The following CERT1 variants were observed in gnomAD, a reference collection of about 807,000 sequenced individuals.
CERT1 encodes ceramide transporter 1, also known as ceramide transfer protein.
Under a neutral mutation model 87.9 loss-of-function variants are expected in CERT1, and 31 were observed. The observed-to-expected ratio is 0.35, with a 90% confidence interval of 0.27 to 0.48. CERT1 has a LOEUF of 0.48. Ranked by LOEUF, CERT1 falls within the 20% of genes least tolerant of loss-of-function variation. The probability of loss-of-function intolerance (pLI) is 0.99; values close to 1 mark genes in which losing one functional copy is unlikely to be tolerated. For missense variants in CERT1, 487 were observed against 758.0 expected (o/e 0.64, Z 4.20); for synonymous variants, 289 against 250.9 (o/e 1.15, Z -1.44).
intron 15 of CERT1, 66 bp from the exon 16 acceptor site, chr5:75,381,267 T>TTA (rs1274008211): frequency 1.3e-6 from 2 of 1,564,730 alleles, no homozygotes; most frequent in Non-Finnish European, 1.7e-6. Context: ...TGGTCTAATA[T>TTA]TATATTAGGT....
At chr5:75,457,676 C>T (rs1270263696) in intron 3 of CERT1, among the ~76,000 whole-genome samples, 1 of 151,678 alleles carries the variant, frequency 6.6e-6, no homozygotes, top group Non-Finnish European at 1.5e-5. Context: ...AATCAATAAA[C>T]CAAGAAAGAA....
intron 8 of CERT1, among the ~76,000 whole-genome samples, chr5:75,404,881 G>A (rs1452335893): frequency 6.6e-5 from 10 of 152,032 alleles, no homozygotes; most frequent in Non-Finnish European, 1.0e-4. Flanking sequence ...GGTGGAGCAC[G>A]TCTATAAACC....
At chr5:75,446,768 A>G (rs1764556439) in intron 3 of CERT1, among the ~76,000 whole-genome samples, 1 of 152,174 alleles carries the variant, frequency 6.6e-6, no homozygotes, top group Non-Finnish European at 1.5e-5. Flanking sequence ...CCTTTCCCTG[A>G]GCATGCACAA....
At chr5:75,491,263 G>A (rs1766782285) in intron 2 of CERT1, among the ~76,000 whole-genome samples, 1 of 152,060 alleles carries the variant, frequency 6.6e-6, no homozygotes, top group Non-Finnish European at 1.5e-5. Flanking sequence ...AGAGAAGAGG[G>A]TTGTAGGCCT....
At chr5:75,445,808 C>T (rs1764510888) in intron 3 of CERT1, among the ~76,000 whole-genome samples, 1 of 152,152 alleles carries the variant, frequency 6.6e-6, no homozygotes, top group Admixed American at 6.5e-5. Context: ...CAAATATAGG[C>T]ATCTTGGTTG....
At position 75,503,658 on chromosome 5, in the gene CERT1, T is replaced by C. The variant is rs144615325; in HGVS notation, c.231+2324A>G. The stretch of plus-strand genomic sequence containing the variant: ...CAGATTTTGTTGCCTAATTCATCTT[T>C]TTACTTCTACTTTTATCTCTCCTTC... On this transcript the variant is annotated intron_variant, in intron 2 of 16. Transcript: ENST00000643780. Among the ~76,000 whole-genome samples, 102 of 152,018 alleles carry C rather than the reference T, an allele frequency of 6.7e-4. 1 individual carries two copies. Among genetic ancestry groups the C allele is most frequent in the African/African-American group, 2.4e-3 (99 of 41,548 alleles).
intron 3 of CERT1, among the ~76,000 whole-genome samples, chr5:75,445,396 T>C (rs983839508): frequency 6.6e-6 from 1 of 152,244 alleles, no homozygotes; most frequent in Non-Finnish European, 1.5e-5. Context: ...GCAGGTCTAG[T>C]GGCAAATAGC....
At chr5:75,418,949 T>C (rs1317706405) in intron 6 of CERT1, among the ~76,000 whole-genome samples, 1 of 152,226 alleles carries the variant, frequency 6.6e-6, no homozygotes. Flanking sequence ...CTTTAAATGG[T>C]ATGTCAATTG....
At chr5:75,403,506 A>G (rs933488441) in intron 8 of CERT1, among the ~76,000 whole-genome samples, 1 of 152,270 alleles carries the variant, frequency 6.6e-6, no homozygotes, top group African/African-American at 2.4e-5. Flanking sequence ...TCATTCAGCT[A>G]TATATTATCT....
At chr5:75,417,274 T>C (rs1039314217) in intron 6 of CERT1, among the ~76,000 whole-genome samples, 9 of 152,186 alleles carry the variant, frequency 5.9e-5, no homozygotes, top group Non-Finnish European at 1.3e-4. Flanking sequence ...ATTTATTTGC[T>C]GTGCTGCACC....
chr5:75,492,588 G>T (rs1334169610), intron 2 of CERT1, among the ~76,000 whole-genome samples: 1 of 152,128 alleles, frequency 6.6e-6, no homozygotes, highest in Non-Finnish European at 1.5e-5. Context: ...TTGGTATAAG[G>T]CATGTTCATA....
chr5:75,385,998 G>C lies in CERT1; in HGVS notation c.1321C>G (p.Leu441Val). ...RREVEENGIV[L>V]DPLKATHAVK... ...GCATGGGTAGCTTTTAAAGGATCCA[G>C]AACAATCCCATTTTCTTCTACTTCT... The change falls in exon 13 of 17, where the codon CTG becomes GTG. Residue 441 changes from leucine (L) to valine (V), a missense_variant. By Grantham distance (32) the Leu-to-Val change is conservative. Coordinates refer to ENST00000643780, the MANE Select transcript of CERT1 (RefSeq NM_001379029.1). 6.3e-7 allele frequency: 1 copy of C among 1,586,470 alleles called. No homozygotes were observed. The highest frequency in any genetic ancestry group is 8.6e-7 in the Non-Finnish European group (1 of 1,166,486).
chr5:75,482,760 C>T (rs569295935), intron 2 of CERT1, among the ~76,000 whole-genome samples: 3 of 152,258 alleles, frequency 2.0e-5, no homozygotes, highest in African/African-American at 7.2e-5. Context: ...TTGGATTATA[C>T]CCAAGATCAG....
rs377185572 is a variant in CERT1 at position 75,425,540 on chromosome 5, A to G, written c.457-41T>C. 3.7e-6 allele frequency: 6 copies of G among 1,600,446 alleles called. No homozygotes were observed. The African/African-American group carries it at 8.0e-5, about 21-fold the overall frequency. ...TAGGGGGATGTAATTCAAGTAAAAC[A>G]AAACTGGATTTCATGTGGTCCTATG... On this transcript the variant is annotated intron_variant, in intron 4 of 16. Transcript: ENST00000643780.
chr5:75,396,521 G>A (rs1449245641), intron 11 of CERT1, among the ~76,000 whole-genome samples: 1 of 152,008 alleles, frequency 6.6e-6, no homozygotes, highest in Non-Finnish European at 1.5e-5. Flanking sequence ...GAGGTCAGGA[G>A]TTCGAGACCA....
chr5:75,376,899 T>G (rs1015776735), downstream of CERT1: 1 of 152,192 alleles, frequency 6.6e-6, no homozygotes, highest in Non-Finnish European at 1.5e-5. Flanking sequence ...TCATTAGAAA[T>G]CAGACTTGTT....
chr5:75,489,333 A>G (rs1256316285), intron 2 of CERT1, among the ~76,000 whole-genome samples: 2 of 152,260 alleles, frequency 1.3e-5, no homozygotes, highest in Non-Finnish European at 2.9e-5. Context: ...GGACATAGGC[A>G]TTGGCAAAGG....
intron 2 of CERT1, among the ~76,000 whole-genome samples, chr5:75,498,696 A>G (rs1056486686): frequency 6.6e-6 from 1 of 152,230 alleles, no homozygotes; most frequent in African/African-American, 2.4e-5. Flanking sequence ...TCCAGGCATT[A>G]GTTTGCGGCA....
chr5:75,498,154 T>C (rs1386143699), intron 2 of CERT1, among the ~76,000 whole-genome samples: 1 of 152,168 alleles, frequency 6.6e-6, no homozygotes, highest in Admixed American at 6.5e-5. Context: ...ATTTAAGGTC[T>C]TAAATTTCTA....
Sources: gnomAD v4.1 joint callset for allele counts (sites outside exome capture counted in the v4.1 genomes callset) on GRCh38, gnomAD v4.1.1 for gene constraint, MANE v1.5 for transcripts, NCBI Gene and HGNC (gene_info 2026-07-23, HGNC 2026-07-21) for gene names.